Variants in FAM13A observed in about 807,000 individuals in gnomAD.
The protein encoded by FAM13A is protein FAM13A.
Under a neutral mutation model 129.6 loss-of-function variants are expected in FAM13A, and 76 were observed. The observed-to-expected ratio is 0.59, with a 90% confidence interval of 0.49 to 0.71. The LOEUF (loss-of-function observed/expected upper bound fraction) is 0.71, where lower values mean the gene tolerates loss of function less well. Among genes scored for constraint, FAM13A ranks in the 30% least tolerant of loss-of-function variants. FAM13A has a pLI of 0.00. For missense variants in FAM13A, 1,108 were observed against 1,249.3 expected, an observed-to-expected ratio of 0.89 and a Z score of 1.70; for synonymous variants, 443 against 449.9, an observed-to-expected ratio of 0.98 and a Z score of 0.20.
intron 13 of FAM13A, among the ~76,000 whole-genome samples, chr4:88,763,771 G>A (rs928151107): frequency 2.0e-5 from 3 of 152,168 alleles, no homozygotes; most frequent in Non-Finnish European, 4.4e-5. Flanking sequence ...TGCACAGGAA[G>A]AAACTACAAT....
chr4:89,029,731 A>G, intron 1 of FAM13A, 82 bp from the exon 2 acceptor site: 2 of 1,165,304 alleles, frequency 1.7e-6, no homozygotes, highest in Non-Finnish European at 2.5e-6. Flanking sequence ...CACCTGAATT[A>G]AAATGTGTTT....
At position 88,853,356 on chromosome 4, in the gene FAM13A, C is replaced by G. The variant is rs531188000; in HGVS notation, c.844-2173G>C. Among the ~76,000 whole-genome samples, 3 of 152,178 alleles carry G rather than the reference C, an allele frequency of 2.0e-5. No homozygotes were observed. In the East Asian group the frequency reaches 5.8e-4, roughly 29 times the overall value. On this transcript the variant is annotated intron_variant, in intron 6 of 23. Transcript: ENST00000264344. The stretch of plus-strand genomic sequence containing the variant: ...TTTTTGTGGTGAGAAAACTTAAAAT[C>G]TACTCTTTTAGCAATTTTCAAGAAT...
chr4:89,055,648 C>T (rs1772123900), intron 1 of FAM13A, among the ~76,000 whole-genome samples: 2 of 152,012 alleles, frequency 1.3e-5, no homozygotes, highest in South Asian at 4.1e-4. Flanking sequence ...TTTTATAAAG[C>T]TAGAAAAATA....
At chr4:88,887,545 T>TG (rs1389785899) in intron 6 of FAM13A, among the ~76,000 whole-genome samples, 2 of 151,164 alleles carry the variant, frequency 1.3e-5, no homozygotes, top group Admixed American at 6.6e-5. Flanking sequence ...TTTTTTTTTT[T>TG]TTTGAGACAG....
intron 7 of FAM13A, among the ~76,000 whole-genome samples, chr4:88,850,085 G>A (rs1305548239): frequency 6.6e-6 from 1 of 151,828 alleles, no homozygotes; most frequent in Non-Finnish European, 1.5e-5. Flanking sequence ...TTATTTCTCT[G>A]TTTAATGTCT....
intron 11 of FAM13A, among the ~76,000 whole-genome samples, chr4:88,776,784 G>A (rs1721807784): frequency 6.6e-6 from 1 of 152,188 alleles, no homozygotes; most frequent in African/African-American, 2.4e-5. Context: ...GGACCAGCCC[G>A]GCCAACATGG....
chr4:88,786,302 A>C (rs1723954082), intron 10 of FAM13A, among the ~76,000 whole-genome samples: 1 of 152,182 alleles, frequency 6.6e-6, no homozygotes, highest in African/African-American at 2.4e-5. Flanking sequence ...GGTGGAAAGC[A>C]GGATATCGTG....
intron 8 of FAM13A, among the ~76,000 whole-genome samples, chr4:88,799,075 A>T (rs1040558017): frequency 2.0e-5 from 3 of 152,246 alleles, no homozygotes; most frequent in African/African-American, 7.2e-5. Flanking sequence ...ATCTATACTT[A>T]CATCTTACTA....
chr4:89,050,596 C>T (rs920700807), intron 1 of FAM13A, among the ~76,000 whole-genome samples: 1 of 151,956 alleles, frequency 6.6e-6, no homozygotes, highest in Non-Finnish European at 1.5e-5. Flanking sequence ...GAAAACCTAA[C>T]TGTAGTCTGC....
chr4:88,771,353 G>C (rs770461131), intron 11 of FAM13A, among the ~76,000 whole-genome samples: 23 of 152,202 alleles, frequency 1.5e-4, no homozygotes, highest in Non-Finnish European at 1.6e-4. Flanking sequence ...AGGGAAAAGT[G>C]TAATGTACAG....
chr4:89,013,308 G>GTATATACATATAACACAGTA (rs1194486437), intron 3 of FAM13A, among the ~76,000 whole-genome samples: 1 of 145,572 alleles, frequency 6.9e-6, no homozygotes. Flanking sequence ...ATAAAACACA[G>GTATATACATATAACACAGTA]TATATACATA....
At chr4:88,866,747 G>T (rs1740532136) in intron 6 of FAM13A, among the ~76,000 whole-genome samples, 1 of 152,048 alleles carries the variant, frequency 6.6e-6, no homozygotes, top group Non-Finnish European at 1.5e-5. Flanking sequence ...TAGAGCAGTT[G>T]GAACCTCTAT....
intron 19 of FAM13A, among the ~76,000 whole-genome samples, chr4:88,741,416 C>T (rs934337556): frequency 1.3e-5 from 2 of 152,130 alleles, no homozygotes; most frequent in African/African-American, 4.8e-5. Context: ...ATTCCACTTA[C>T]ATAAAGGTCA....
At chr4:88,953,385 G>A (rs1165721630) in intron 4 of FAM13A, among the ~76,000 whole-genome samples, 1 of 152,126 alleles carries the variant, frequency 6.6e-6, no homozygotes, top group East Asian at 1.9e-4. Context: ...AACCCAGAAG[G>A]CGGAGGTTGC....
intron 7 of FAM13A, among the ~76,000 whole-genome samples, chr4:88,816,507 T>G (rs893300568): frequency 2.0e-5 from 3 of 152,194 alleles, no homozygotes; most frequent in Non-Finnish European, 2.9e-5. Flanking sequence ...TAAAAACAAC[T>G]TAAGCTGCCC....
intron 1 of FAM13A, among the ~76,000 whole-genome samples, chr4:89,042,377 A>G (rs1200793719): frequency 6.6e-6 from 1 of 152,244 alleles, no homozygotes; most frequent in African/African-American, 2.4e-5. Context: ...GTGCTCTGTC[A>G]GAAAGTCAAT....
chr4:88,914,147 A>C (rs1035321858), intron 5 of FAM13A, among the ~76,000 whole-genome samples: 1 of 152,172 alleles, frequency 6.6e-6, no homozygotes, highest in Non-Finnish European at 1.5e-5. Context: ...CGCCAAGTGC[A>C]GTCAGTACTA....
In FAM13A at chr4:88,737,268, T is replaced by A. The variant is rs77510255; in HGVS notation, c.2646+204A>T. On this transcript the variant is annotated intron_variant, in intron 21 of 23. Coordinates refer to ENST00000264344, the MANE Select transcript of FAM13A (RefSeq NM_014883.4). ...GGGGAATAAAATGAAACCAAAGAAA[T>A]CAACTAAATGGAACTGGAGAAATTA... Among the ~76,000 whole-genome samples the A allele has an allele frequency of 4.1e-3, 620 of 151,898 alleles. 4 individuals carry two copies. The highest frequency in any genetic ancestry group is 0.015 in the African/African-American group (603 of 41,386).
intron 6 of FAM13A, among the ~76,000 whole-genome samples, chr4:88,868,129 CAATA>C (rs1740754832): frequency 6.6e-6 from 1 of 152,102 alleles, no homozygotes; most frequent in Admixed American, 6.6e-5. Flanking sequence ...AATTTCTAAT[CAATA>C]AATATGCTGC....
Sources: allele counts gnomAD v4.1 joint callset (sites outside exome capture counted in the v4.1 genomes callset), GRCh38; gene constraint gnomAD v4.1.1; transcripts MANE v1.5; gene names NCBI Gene and HGNC (gene_info 2026-07-23, HGNC 2026-07-21).